RUFY2: variants seen among roughly 807,000 people sequenced by gnomAD.
RUFY2 encodes the protein RUN and FYVE domain-containing protein 2.
Under a neutral mutation model 94.4 loss-of-function variants are expected in RUFY2, and 49 were observed. The ratio of observed to expected loss-of-function variants is 0.52; its 90% CI spans 0.41 to 0.66. The LOEUF (loss-of-function observed/expected upper bound fraction) is 0.66. Ranked by LOEUF, RUFY2 falls within the 30% of genes least tolerant of loss-of-function variation. The pLI is 0.00. For synonymous variants in RUFY2, 255 were observed against 235.7 expected (o/e 1.08, Z -0.75); for missense variants, 541 against 692.8 (o/e 0.78, Z 2.46).
intron 15 of RUFY2, among the ~76,000 whole-genome samples, chr10:68,356,498 C>T (rs144373653): frequency 0.014 from 2,147 of 151,988 alleles, 46 homozygotes; most frequent in Admixed American, 0.058. Context: ...AGCGAGATGC[C>T]GTCTCAAAAA....
At chr10:68,373,436 TA>T (rs1238610102) in intron 13 of RUFY2, among the ~76,000 whole-genome samples, 3 of 152,152 alleles carry the variant, frequency 2.0e-5, no homozygotes, top group Non-Finnish European at 4.4e-5. Context: ...GGACTAAATA[TA>T]CTGTGAAAAG....
In RUFY2 at chr10:68,345,679, C is replaced by T; in HGVS notation, c.*89G>A. 9.6e-6 allele frequency: 12 copies of T among 1,247,082 alleles called. No individual in the cohort carries two copies. The highest frequency in any genetic ancestry group is 1.2e-5 in the Non-Finnish European group (11 of 889,258). The allele number at this position is 1,247,082 out of a possible 1,614,324, so 77.3% of individuals were successfully genotyped here. A position where few individuals can be genotyped will look rare whatever the true frequency, so the allele number is the denominator to read the frequency against. The stretch of plus-strand genomic sequence containing the variant: ...GGTACCAAATACTGACCGAAAGCCG[C>T]TTAAGGAGAGCTGTCTGGTTACCTT... On this transcript the variant is annotated 3_prime_UTR_variant, in exon 18 of 18. Coordinates refer to ENST00000602465, the MANE Select transcript of RUFY2 (RefSeq NM_001330103.2).
chr10:68,400,946 GA>G (rs2050795228), intron 3 of RUFY2, among the ~76,000 whole-genome samples: 1 of 152,166 alleles, frequency 6.6e-6, no homozygotes, highest in Non-Finnish European at 1.5e-5. Context: ...CCGGGAGGTG[GA>G]GCTTGCAGTG....
chr10:68,399,210 A>AT (rs1467676466), intron 3 of RUFY2, among the ~76,000 whole-genome samples: 1 of 150,816 alleles, frequency 6.6e-6, no homozygotes, highest in Non-Finnish European at 1.5e-5. Context: ...CACCCAGCTA[A>AT]TTTTTTTGTA....
intron 10 of RUFY2, among the ~76,000 whole-genome samples, chr10:68,382,412 A>G (rs2049135489): frequency 6.6e-6 from 1 of 151,664 alleles, no homozygotes; most frequent in African/African-American, 2.4e-5. Flanking sequence ...GTTTCTTATG[A>G]TTTATTTTAA....
At chr10:68,394,672 C>T (rs2050250450) in intron 4 of RUFY2, among the ~76,000 whole-genome samples, 1 of 151,436 alleles carries the variant, frequency 6.6e-6, no homozygotes, top group Non-Finnish European at 1.5e-5. Context: ...CTCTTTCACC[C>T]AGGCCGGACT....
chr10:68,389,429 G>A (rs539652389), intron 7 of RUFY2, among the ~76,000 whole-genome samples: 3 of 151,760 alleles, frequency 2.0e-5, no homozygotes, highest in South Asian at 2.1e-4. Flanking sequence ...TGTCTCTACT[G>A]AACGTGCAAA....
chr10:68,404,181 A>G (rs2051091390), intron 2 of RUFY2, among the ~76,000 whole-genome samples: 2 of 152,232 alleles, frequency 1.3e-5, no homozygotes, highest in Non-Finnish European at 2.9e-5. Flanking sequence ...ATGTACTGAG[A>G]GTGGAGTACA....
chr10:68,366,759 T>TATATATATATATATAA lies in RUFY2; in HGVS notation c.1326-2647_1326-2646insTTATATATATATATAT, dbSNP rs1235098742. Among the ~76,000 whole-genome samples the TATATATATATATATAA allele has an allele frequency of 7.2e-4, 95 of 131,840 alleles. 1 individual carries two copies. In the East Asian group the frequency reaches 7.6e-3, roughly 11 times the overall value. The allele number at this position is 131,840 out of a possible 152,430, so 86.5% of individuals were successfully genotyped here. On this transcript the variant is annotated intron_variant, in intron 13 of 17. Transcript: ENST00000602465. Reference sequence around the variant, plus strand: ...TCTAAAATATATATATATATATATATAATATTAAATATATTAAATAAATAA... The same window carrying TATATATATATATATAA: ...TCTAAAATATATATATATATATATATATATATATATATATAAAATATTAAATATATTAAATAAATAA...
chr10:68,374,032 G>A (rs566590983), intron 13 of RUFY2, among the ~76,000 whole-genome samples: 14 of 146,554 alleles, frequency 9.6e-5, no homozygotes, highest in Middle Eastern at 3.6e-3. Flanking sequence ...TGGGAGGATT[G>A]CTTGAGCCTA....
intron 13 of RUFY2, among the ~76,000 whole-genome samples, chr10:68,367,049 T>C (rs1312918135): frequency 6.6e-6 from 1 of 151,186 alleles, no homozygotes; most frequent in African/African-American, 2.4e-5. Context: ...GTGCCTGTAA[T>C]CTCATCTACT....
At chr10:68,405,067 C>A (rs1242491663) in intron 1 of RUFY2, among the ~76,000 whole-genome samples, 1 of 152,114 alleles carries the variant, frequency 6.6e-6, no homozygotes, top group Non-Finnish European at 1.5e-5. Flanking sequence ...GTAATCCCAG[C>A]ACTTTGGGAG....
chr10:68,376,440 G>GTATATATATA (rs1203390579), intron 13 of RUFY2, among the ~76,000 whole-genome samples: 3 of 48,266 alleles, frequency 6.2e-5, no homozygotes, highest in Non-Finnish European at 9.9e-5. Flanking sequence ...AAAAAAATGT[G>GTATATATATA]TGTATATATA....
chr10:68,371,632 T>G (rs2048291595), intron 13 of RUFY2, among the ~76,000 whole-genome samples: 1 of 149,432 alleles, frequency 6.7e-6, no homozygotes, highest in Admixed American at 6.7e-5. Context: ...TCAGAGGCTC[T>G]GAAGGGGAGA....
rs747925639 is a variant in RUFY2, at chr10:68,384,106, T to C, written c.767A>G (p.His256Arg). 6.2e-6 allele frequency: 10 copies of C among 1,612,586 alleles called. No individual in the cohort carries two copies. The highest frequency in any genetic ancestry group is 8.5e-6 in the Non-Finnish European group (10 of 1,179,906). ...CAATTTATTTTCACTTCGTAATTGA[T>C]GATTTTCTTCCTGGAGTTTAATGAT... ...NNIIKLQEENHQLRSENKLIL... is the reference protein window; with the variant it reads ...NNIIKLQEENRQLRSENKLIL... The change falls in exon 9 of 18, where the codon CAT becomes CGT. Residue 256 changes from histidine (H) to arginine (R), a missense_variant. Around this residue, in one of 3 missense-constraint regions of RUFY2, gnomAD observed 403 missense variants for 480.7 expected, o/e 0.84. Coordinates refer to ENST00000602465, the MANE Select transcript of RUFY2 (RefSeq NM_001330103.2).
rs911272089 is a variant in RUFY2 at position 68,407,233 on chromosome 10, T to C, written c.-44A>G. Reference sequence around the variant, plus strand: ...GTCTCGGGCGGAGGCTCCCTCGGCCTGTCCAGCAGCTCCTTCCAGGCGCTC... The same window carrying C: ...GTCTCGGGCGGAGGCTCCCTCGGCCCGTCCAGCAGCTCCTTCCAGGCGCTC... On this transcript the variant is annotated 5_prime_UTR_variant, in exon 1 of 18. Transcript: ENST00000602465. 2.2e-5 allele frequency: 29 copies of C among 1,345,528 alleles called. No individual in the cohort carries two copies. Among genetic ancestry groups the C allele is most frequent in the African/African-American group, 1.1e-4 (7 of 64,616 alleles). 83.3% of individuals were successfully genotyped at this position (1,345,528 alleles called of 1,614,324 possible).
chr10:68,361,521 G>A (rs2047463660), intron 15 of RUFY2, among the ~76,000 whole-genome samples: 1 of 152,170 alleles, frequency 6.6e-6, no homozygotes, highest in South Asian at 2.1e-4. Context: ...TAAGCACTTA[G>A]CACAGGGTCT....
intron 16 of RUFY2, among the ~76,000 whole-genome samples, chr10:68,351,065 A>G (rs1051678362): frequency 2.0e-5 from 3 of 151,794 alleles, no homozygotes; most frequent in Admixed American, 1.3e-4. Context: ...ATATTTCACA[A>G]AACTTTTTTT....
rs568384371 is a variant in RUFY2, at chr10:68,366,467, G to A, written c.1326-2354C>T. Among the ~76,000 whole-genome samples, 3 of 151,464 alleles carry A rather than the reference G, an allele frequency of 2.0e-5. No individual in the cohort carries two copies. The South Asian group carries it at 6.2e-4, about 31-fold the overall frequency. ...AACTTAGAAAAAATTTTCAGGCTGGGCGCAGTGGCTTATGCCTGTAACTCC... is the reference window on the plus strand; with the variant it reads ...AACTTAGAAAAAATTTTCAGGCTGGACGCAGTGGCTTATGCCTGTAACTCC... On this transcript the variant is annotated intron_variant, in intron 13 of 17. Transcript: ENST00000602465.
Sources: gnomAD v4.1 joint callset for allele counts (sites outside exome capture counted in the v4.1 genomes callset) on GRCh38, gnomAD v4.1.1 for gene constraint, gnomAD v4.1.1 regional missense constraint, MANE v1.5 for transcripts, NCBI Gene and HGNC (gene_info 2026-07-23, HGNC 2026-07-21) for gene names.